Variants in PTPRA observed in about 807,000 individuals in gnomAD.
PTPRA encodes the protein receptor-type tyrosine-protein phosphatase alpha.
Under a neutral mutation model 104.8 loss-of-function variants are expected in PTPRA, and 25 were observed. That is an observed-to-expected ratio of 0.24 (90% confidence interval 0.17 to 0.33). PTPRA has a LOEUF of 0.33. PTPRA is among the 10% of genes least tolerant of loss of function. The probability of loss-of-function intolerance (pLI) is 1.00; values close to 1 mark genes in which losing one functional copy is unlikely to be tolerated. For synonymous variants in PTPRA, 323 were observed against 368.9 expected (o/e 0.88, Z 1.43); for missense variants, 765 against 1,015.3 (o/e 0.75, Z 3.35).
rs117764852 is a variant in PTPRA, at chr20:2,976,610, A to G, written c.442+1369A>G. On this transcript the variant is annotated intron_variant, in intron 6 of 23. Transcript: ENST00000399903. The stretch of plus-strand genomic sequence containing the variant: ...CAAAAAATAATTTTGTGTAATTCCA[A>G]ACAGGAAACTGAAAAGGCATAGGTA... Among the ~76,000 whole-genome samples, 1,254 of 152,328 alleles carry G rather than the reference A, an allele frequency of 8.2e-3. 5 individuals are homozygous for G. Among genetic ancestry groups the G allele is most frequent in the Middle Eastern group, 0.031 (9 of 294 alleles).
At chr20:2,915,562 A>G (rs907851071) in intron 1 of PTPRA, among the ~76,000 whole-genome samples, 9 of 152,140 alleles carry the variant, frequency 5.9e-5, no homozygotes, top group Non-Finnish European at 1.0e-4. Flanking sequence ...CTTGCATCCC[A>G]TAGGTTGTCT....
rs1182910186 is a variant in PTPRA, at chr20:2,910,312, TTATAA to T, written c.-128-12890_-128-12886del. On this transcript the variant is annotated intron_variant, in intron 1 of 23. Transcript: ENST00000399903. ...TAATATGTATTATATATTTTATATA[TTATAA>T]TATATATTTTATATATAATATATTT... is the stretch of plus-strand genomic sequence containing the variant. Among the ~76,000 whole-genome samples, 14 of 69,872 alleles carry T rather than the reference TTATAA, an allele frequency of 2.0e-4. No individual in the cohort carries two copies. In the South Asian group the frequency reaches 2.5e-3, roughly 12 times the overall value. 45.8% of individuals were successfully genotyped at this position (69,872 alleles called of 152,430 possible). A position where few individuals can be genotyped will look rare whatever the true frequency, so the allele number is the denominator to read the frequency against.
intron 13 of PTPRA, among the ~76,000 whole-genome samples, chr20:3,020,272 T>G (rs546240113): frequency 2.8e-4 from 42 of 151,998 alleles, no homozygotes; most frequent in African/African-American, 9.2e-4. Flanking sequence ...ATTTTTTGTG[T>G]TTTTTTTAGT....
At chr20:2,984,605 T>C (rs1242126816) in intron 6 of PTPRA, among the ~76,000 whole-genome samples, 1 of 152,238 alleles carries the variant, frequency 6.6e-6, no homozygotes, top group Non-Finnish European at 1.5e-5. Context: ...TCCAGTTATA[T>C]ATCTCCTCTG....
chr20:2,925,417 A>G (rs2147410924), intron 2 of PTPRA, among the ~76,000 whole-genome samples: 1 of 152,340 alleles, frequency 6.6e-6, no homozygotes, highest in Admixed American at 6.5e-5. Context: ...TGGTTGAATA[A>G]TATTCTGTTG....
intron 20 of PTPRA, among the ~76,000 whole-genome samples, chr20:3,034,863 G>A (rs979301136): frequency 2.0e-5 from 3 of 152,140 alleles, no homozygotes; most frequent in Admixed American, 6.5e-5. Flanking sequence ...ACTGTGTGAT[G>A]TTATATTTAT....
chr20:2,869,206 A>C (rs760185613), upstream of PTPRA, among the ~76,000 whole-genome samples: 2 of 152,172 alleles, frequency 1.3e-5, no homozygotes, highest in Non-Finnish European at 2.9e-5. Context: ...TCATCTATCC[A>C]TTCCTCTATG....
chr20:2,944,782 A>G (rs1847942131), intron 2 of PTPRA, among the ~76,000 whole-genome samples: 1 of 152,262 alleles, frequency 6.6e-6, no homozygotes, highest in Non-Finnish European at 1.5e-5. Flanking sequence ...GTTTTTAAAT[A>G]ATTATTTGGT....
At chr20:2,882,942 A>G (rs2090141467) in intron 1 of PTPRA, among the ~76,000 whole-genome samples, 1 of 151,158 alleles carries the variant, frequency 6.6e-6, no homozygotes, top group Admixed American at 6.6e-5. Context: ...GAGTAATCCT[A>G]ATATGAAATC....
At chr20:3,020,903 A>T (rs1470682658) in intron 13 of PTPRA, among the ~76,000 whole-genome samples, 1 of 152,256 alleles carries the variant, frequency 6.6e-6, no homozygotes, top group Non-Finnish European at 1.5e-5. Flanking sequence ...TACAGTCTGC[A>T]TCAGTCTACC....
At chr20:2,910,103 TATATA>T (rs1321517799) in intron 1 of PTPRA, among the ~76,000 whole-genome samples, 3 of 121,242 alleles carry the variant, frequency 2.5e-5, no homozygotes, top group African/African-American at 9.7e-5. Flanking sequence ...ATATAACATA[TATATA>T]ATATATGATG....
chr20:2,886,244 A>G (rs1418560448), intron 1 of PTPRA, among the ~76,000 whole-genome samples: 1 of 152,200 alleles, frequency 6.6e-6, no homozygotes, highest in Non-Finnish European at 1.5e-5. Flanking sequence ...AAAGGTTATT[A>G]TAGTAGTATG....
chr20:2,962,241 T>G lies in PTPRA; in HGVS notation c.-6-2031T>G, dbSNP rs181498988. 1.3e-3 allele frequency among the ~76,000 whole-genome samples: 205 copies of G among 152,268 alleles called. 1 individual carries two copies. Among genetic ancestry groups the G allele is most frequent in the African/African-American group, 4.5e-3 (186 of 41,520 alleles). On this transcript the variant is annotated intron_variant, in intron 3 of 23. Coordinates refer to ENST00000399903, the MANE Select transcript of PTPRA (RefSeq NM_001385305.1). Reference sequence around the variant, plus strand: ...CCATAAACATTATTTATGATGGGCTTCTTCTTTATGTTTAGGAGCTTTTGT... The same window carrying G: ...CCATAAACATTATTTATGATGGGCTGCTTCTTTATGTTTAGGAGCTTTTGT...
At position 2,895,849 on chromosome 20, in the gene PTPRA, TC is replaced by T. The variant is rs879821562; in HGVS notation, c.-129+22090del. On this transcript the variant is annotated intron_variant, in intron 1 of 23. Coordinates refer to ENST00000399903, the MANE Select transcript of PTPRA (RefSeq NM_001385305.1). ...CGGCTTATTAACCAATTTTTAATGT[TC>T]AGCACAACTTGATCATGATGTACAA... Among the ~76,000 whole-genome samples, 483 of 152,310 alleles carry T rather than the reference TC, an allele frequency of 3.2e-3. 3 individuals carry two copies. Among genetic ancestry groups the T allele is most frequent in the African/African-American group, 0.011 (462 of 41,580 alleles).
chr20:2,886,279 T>G (rs1370588352), intron 1 of PTPRA, among the ~76,000 whole-genome samples: 3 of 152,020 alleles, frequency 2.0e-5, no homozygotes, highest in Non-Finnish European at 4.4e-5. Context: ...AAAGACTCCT[T>G]TCTCTTACAG....
At chr20:2,993,943 C>T (rs1439564640) in intron 9 of PTPRA, among the ~76,000 whole-genome samples, 1 of 152,116 alleles carries the variant, frequency 6.6e-6, no homozygotes, top group Non-Finnish European at 1.5e-5. Context: ...ACAGACAGAT[C>T]GACAGACAGG....
At chr20:2,883,881 C>A (rs1050437138) in intron 1 of PTPRA, among the ~76,000 whole-genome samples, 1 of 152,130 alleles carries the variant, frequency 6.6e-6, no homozygotes, top group African/African-American at 2.4e-5. Context: ...ACCCTGCACC[C>A]ATTAGCCTCA....
At chr20:3,025,487 C>G (rs1276484111) in intron 17 of PTPRA, among the ~76,000 whole-genome samples, 2 of 146,954 alleles carry the variant, frequency 1.4e-5, no homozygotes, top group Admixed American at 6.8e-5. Context: ...TTCTCAGAAG[C>G]AGGAGATTCT....
chr20:2,959,005 T>G (rs2061649076), intron 3 of PTPRA, among the ~76,000 whole-genome samples: 1 of 151,986 alleles, frequency 6.6e-6, no homozygotes, highest in Admixed American at 6.6e-5. Flanking sequence ...GAGAGAGAAG[T>G]AAGGATAGTG....
Sources: allele counts gnomAD v4.1 joint callset (sites outside exome capture counted in the v4.1 genomes callset), GRCh38; gene constraint gnomAD v4.1.1; transcripts MANE v1.5; gene names NCBI Gene and HGNC (gene_info 2026-07-23, HGNC 2026-07-21).